The following EYS variants were observed in gnomAD, a reference collection of about 807,000 sequenced individuals.
The protein encoded by EYS is protein eyes shut homolog.
In EYS, 250 loss-of-function variants were observed where a neutral mutation model predicts 282.1. That is an observed-to-expected ratio of 0.89 (90% confidence interval 0.80 to 0.98). The LOEUF (loss-of-function observed/expected upper bound fraction) is 0.98. Ranked by LOEUF, EYS falls within the 50% of genes least tolerant of loss-of-function variation. EYS has a pLI of 0.00. For missense variants in EYS, 4,016 were observed against 3,709.0 expected (o/e 1.08, Z -2.15); for synonymous variants, 1,355 against 1,282.9 (o/e 1.06, Z -1.20).
At chr6:64,098,717 C>T (rs1398413283) in intron 31 of EYS, among the ~76,000 whole-genome samples, 2 of 151,780 alleles carry the variant, frequency 1.3e-5, no homozygotes, top group Non-Finnish European at 2.9e-5. Flanking sequence ...TCTCCTGCCT[C>T]AGCCTCCCGG....
chr6:64,402,308 TA>T (rs1309866930), intron 28 of EYS, among the ~76,000 whole-genome samples: 1 of 152,178 alleles, frequency 6.6e-6, no homozygotes, highest in Non-Finnish European at 1.5e-5. Context: ...AGTAAAAAAA[TA>T]ACCTCTCAAT....
intron 5 of EYS, among the ~76,000 whole-genome samples, chr6:65,458,342 T>C (rs1227148980): frequency 6.6e-6 from 1 of 152,144 alleles, no homozygotes; most frequent in African/African-American, 2.4e-5. Flanking sequence ...ACCTATGACT[T>C]GCTTGAGGAC....
chr6:65,250,820 A>C (rs993476977), intron 12 of EYS, among the ~76,000 whole-genome samples: 4 of 138,814 alleles, frequency 2.9e-5, no homozygotes, highest in South Asian at 2.1e-4. Context: ...AGTAACATCC[A>C]AAAAAAAAAT....
chr6:65,064,518 A>ACTATATACTAATATACTCTG (rs545143643), intron 12 of EYS, among the ~76,000 whole-genome samples: 3 of 147,144 alleles, frequency 2.0e-5, no homozygotes, highest in East Asian at 2.0e-4. Context: ...TAATATATGT[A>ACTATATACTAATATACTCTG]CTATATACTA....
chr6:64,946,103 C>G (rs569950720), intron 14 of EYS, among the ~76,000 whole-genome samples, 189 bp from the exon 15 acceptor site: 1 of 151,942 alleles, frequency 6.6e-6, no homozygotes, highest in South Asian at 2.1e-4. Context: ...TCTTTAGTAT[C>G]TAATTAAATA....
At chr6:64,533,591 T>C (rs1422433892) in intron 26 of EYS, among the ~76,000 whole-genome samples, 1 of 152,080 alleles carries the variant, frequency 6.6e-6, no homozygotes, top group African/African-American at 2.4e-5. Context: ...TACCTGTATC[T>C]ATGTTTTTCA....
At chr6:64,086,556 TTCTA>T (rs547854352) in intron 31 of EYS, among the ~76,000 whole-genome samples, 163 of 152,310 alleles carry the variant, frequency 1.1e-3, no homozygotes, top group African/African-American at 3.8e-3. Context: ...GTTCATACTG[TTCTA>T]TCTTTGTAGA....
intron 39 of EYS, among the ~76,000 whole-genome samples, chr6:63,786,858 T>G (rs1422125379): frequency 2.0e-5 from 3 of 152,144 alleles, no homozygotes; most frequent in Non-Finnish European, 4.4e-5. Context: ...ATATTATTCT[T>G]CAGAACCAGT....
intron 12 of EYS, among the ~76,000 whole-genome samples, chr6:65,291,593 A>T (rs1768528097): frequency 6.6e-6 from 1 of 151,568 alleles, no homozygotes; most frequent in African/African-American, 2.4e-5. Context: ...TTCATAAGGG[A>T]GGTTGTTCTT....
intron 31 of EYS, among the ~76,000 whole-genome samples, chr6:64,150,424 TATAAG>T (rs1297362389): frequency 8.5e-5 from 13 of 152,136 alleles, no homozygotes; most frequent in Admixed American, 7.9e-4. Flanking sequence ...ACACAACAAA[TATAAG>T]AAACAATTGG....
intron 24 of EYS, among the ~76,000 whole-genome samples, chr6:64,598,577 A>T (rs1766661403): frequency 6.6e-6 from 1 of 152,218 alleles, no homozygotes; most frequent in Admixed American, 6.5e-5. Context: ...TTGAGGAAAA[A>T]TATGCAAATA....
chr6:64,099,539 C>T (rs1372520361), intron 31 of EYS, among the ~76,000 whole-genome samples: 1 of 152,056 alleles, frequency 6.6e-6, no homozygotes, highest in South Asian at 2.1e-4. Flanking sequence ...ACTTGTTTGC[C>T]AAGTATTCTG....
At position 64,432,704 on chromosome 6, in the gene EYS, T is replaced by G. The variant is rs535692417; in HGVS notation, c.5927+3470A>C. ...ATTTGTGCTTTACAGAAAATACATG[T>G]GCCACTATCTTCAGCTTCTCAGCAG... On this transcript the variant is annotated intron_variant, in intron 28 of 42. Coordinates refer to ENST00000503581, the MANE Select transcript of EYS (RefSeq NM_001142800.2). Among the ~76,000 whole-genome samples the G allele has an allele frequency of 2.1e-4, 32 of 152,136 alleles. 1 individual carries two copies. Among genetic ancestry groups the G allele is most frequent in the Admixed American group, 1.4e-3 (21 of 15,250 alleles).
intron 26 of EYS, among the ~76,000 whole-genome samples, chr6:64,442,142 T>C (rs968374954): frequency 1.3e-5 from 2 of 152,104 alleles, no homozygotes; most frequent in Non-Finnish European, 2.9e-5. Context: ...CAGGCTAAGG[T>C]GGTCTAAGAC....
chr6:65,422,196 T>G (rs1767491773), intron 5 of EYS, among the ~76,000 whole-genome samples: 1 of 151,952 alleles, frequency 6.6e-6, no homozygotes, highest in Non-Finnish European at 1.5e-5. Context: ...TTTCAAGTGC[T>G]CAATAGCCAC....
intron 2 of EYS, among the ~76,000 whole-genome samples, chr6:65,572,779 T>C (rs946997261): frequency 1.5e-4 from 23 of 152,146 alleles, no homozygotes; most frequent in African/African-American, 5.5e-4. Flanking sequence ...GAAACATTAA[T>C]ATATTTATAT....
At chr6:64,861,844 C>T (rs1766247255) in intron 19 of EYS, among the ~76,000 whole-genome samples, 2 of 151,880 alleles carry the variant, frequency 1.3e-5, no homozygotes, top group South Asian at 2.1e-4. Flanking sequence ...TTTGTTTTAC[C>T]TTCATTTACT....
intron 18 of EYS, among the ~76,000 whole-genome samples, chr6:64,897,730 A>T (rs775028094): frequency 1.3e-5 from 2 of 152,202 alleles, no homozygotes; most frequent in African/African-American, 4.8e-5. Context: ...GGAATTGCTA[A>T]CTAGAATAAC....
rs1349820221 is a variant in EYS at position 65,335,031 on chromosome 6, T to C, written c.1715A>G (p.Glu572Gly). Residue 572 changes from glutamate (E) to glycine (G), a missense_variant, in exon 11 of 43, where the codon GAA becomes GGA. Coordinates refer to ENST00000503581, the MANE Select transcript of EYS (RefSeq NM_001142800.2). Reference protein sequence around the residue: ...MYLENTTDDQENECQHEAVCK... With the variant: ...MYLENTTDDQGNECQHEAVCK... Reference sequence around the variant, plus strand: ...AACAGCTTCATGTTGACACTCATTTTCTTGATCATCAGTTGTATTTTCCAG... The same window carrying C: ...AACAGCTTCATGTTGACACTCATTTCCTTGATCATCAGTTGTATTTTCCAG... 6.2e-7 allele frequency: 1 copy of C among 1,611,624 alleles called. No homozygotes were observed. Among genetic ancestry groups the C allele is most frequent in the South Asian group, 1.1e-5 (1 of 91,040 alleles).
Sources: gnomAD v4.1 joint callset for allele counts (sites outside exome capture counted in the v4.1 genomes callset) on GRCh38, gnomAD v4.1.1 for gene constraint, MANE v1.5 for transcripts, NCBI Gene and HGNC (gene_info 2026-07-23, HGNC 2026-07-21) for gene names.